Variants in IRGM observed in about 807,000 individuals in gnomAD.
IRGM encodes immunity related GTPase M, also known as immunity-related GTPase family M protein.
For missense variants in IRGM, 288 were observed against 219.9 expected, an observed-to-expected ratio of 1.31 and a Z score of -1.96; for synonymous variants, 98 against 80.6, an observed-to-expected ratio of 1.22 and a Z score of -1.16.
At chr5:150,859,321 C>T (rs1371890109) in intron 1 of IRGM, among the ~76,000 whole-genome samples, 20 of 152,226 alleles carry the variant, frequency 1.3e-4, no homozygotes, top group East Asian at 3.9e-4. Flanking sequence ...CTGCTGGATT[C>T]GGTGTGCCAG....
chr5:150,861,958 C>T (rs1412792343), intron 1 of IRGM, among the ~76,000 whole-genome samples: 1 of 152,150 alleles, frequency 6.6e-6, no homozygotes, highest in Non-Finnish European at 1.5e-5. Context: ...TGTTTATTAT[C>T]TTACAGATTA....
At chr5:150,861,663 T>C (rs953845228) in intron 1 of IRGM, among the ~76,000 whole-genome samples, 4 of 152,192 alleles carry the variant, frequency 2.6e-5, no homozygotes, top group African/African-American at 4.8e-5. Flanking sequence ...CTAGATTAAG[T>C]AATAGTCCAT....
chr5:150,883,922 A>T (rs1179583080), intron 3 of IRGM, among the ~76,000 whole-genome samples: 2 of 152,078 alleles, frequency 1.3e-5, no homozygotes, highest in Admixed American at 1.3e-4. Context: ...AAATCCAGAT[A>T]AAGACACTAC....
rs1190596820 is a variant in IRGM at position 150,847,962 on chromosome 5, C to G, written c.-162C>G. On this transcript the variant is annotated 5_prime_UTR_variant, in exon 2 of 2. Coordinates refer to ENST00000522154, the MANE Select transcript of IRGM (RefSeq NM_001145805.2). ...GGGACTACAGGCGCACACCACCACG[C>G]GCAGCTAATTTTTTTGTATTTTAGT... 1 of 606,884 alleles carries G rather than the reference C, an allele frequency of 1.6e-6. No homozygotes were observed. Among genetic ancestry groups the G allele is most frequent in the Non-Finnish European group, 2.9e-6 (1 of 347,828 alleles). 37.6% of individuals were successfully genotyped at this position (606,884 alleles called of 1,614,324 possible).
chr5:150,864,052 T>C (rs1754172600), intron 1 of IRGM, among the ~76,000 whole-genome samples: 1 of 152,192 alleles, frequency 6.6e-6, no homozygotes. Flanking sequence ...CTGTACTTCC[T>C]GCACAAATAC....
intron 1 of IRGM, among the ~76,000 whole-genome samples, chr5:150,869,560 A>G (rs898103757): frequency 1.3e-5 from 2 of 152,124 alleles, no homozygotes; most frequent in Admixed American, 6.5e-5. Flanking sequence ...ACTGGCACCA[A>G]TTCTTCTTTG....
rs1049627230 is a variant in IRGM, at chr5:150,898,880, G to A, written c.*141-1709G>A. On this transcript the variant is annotated intron_variant and NMD_transcript_variant, in intron 3 of 3. Coordinates refer to the IRGM transcript ENST00000520549. The stretch of plus-strand genomic sequence containing the variant: ...ATGCTGAAGAAATATTATGGGTTGA[G>A]TTGTATCTCCTGAATATTTATATGT... Among the ~76,000 whole-genome samples the A allele has an allele frequency of 2.0e-5, 3 of 152,084 alleles. No individual in the cohort carries two copies. The East Asian group carries it at 5.8e-4, about 30-fold the overall frequency.
In IRGM at chr5:150,847,809, T is replaced by TTTGTTTGTTTG; in HGVS notation, c.-313_-312insGTTTGTTTGTT. ...TTTTTGCCACACCATAAGCATTGGG[T>TTTGTTTGTTTG]TTTGTTTGTTTTGAGATGGAGTCTT... On this transcript the variant is annotated 5_prime_UTR_variant, in exon 2 of 2. An upstream open reading frame in the 5' UTR gains an earlier in-frame stop. Transcript: ENST00000522154. The TTTGTTTGTTTG allele has an allele frequency of 3.6e-6, 1 of 276,726 alleles. No individual in the cohort carries two copies. The highest frequency in any genetic ancestry group is 6.8e-6 in the Non-Finnish European group (1 of 146,276). 17.1% of individuals were successfully genotyped at this position (276,726 alleles called of 1,614,324 possible).
intron 1 of IRGM, among the ~76,000 whole-genome samples, chr5:150,854,908 C>T (rs1222063495): frequency 6.6e-6 from 1 of 152,082 alleles, no homozygotes; most frequent in Non-Finnish European, 1.5e-5. Flanking sequence ...TTCTCAAAGT[C>T]CCATAATGTT....
intron 3 of IRGM, among the ~76,000 whole-genome samples, chr5:150,890,076 G>T (rs2113298775): frequency 6.6e-6 from 1 of 152,130 alleles, no homozygotes; most frequent in South Asian, 2.1e-4. Context: ...GGAAAAGCTT[G>T]TATAGAATTT....
At chr5:150,881,683 AT>A (rs1222187421) in intron 3 of IRGM, among the ~76,000 whole-genome samples, 2 of 152,172 alleles carry the variant, frequency 1.3e-5, no homozygotes, top group Non-Finnish European at 1.5e-5. Context: ...CACTGCAATA[AT>A]TTAAGGACTA....
chr5:150,858,547 C>G (rs953143346), intron 1 of IRGM, among the ~76,000 whole-genome samples: 2 of 151,876 alleles, frequency 1.3e-5, no homozygotes, highest in Admixed American at 6.5e-5. Flanking sequence ...ATTGATTCTT[C>G]CTACCCATAA....
Position 150,848,593 on chromosome 5 carries a change from T to A in IRGM, c.470T>A (p.Leu157His). 1 of 1,551,428 alleles carries A rather than the reference T, an allele frequency of 6.4e-7. No individual in the cohort carries two copies. The highest frequency in any genetic ancestry group is 8.7e-7 in the Non-Finnish European group (1 of 1,146,664). ...GACATGGACCTCAGCACAGGTGCCCTCCCAGAAGTGCAGCTACTGCAGATC... is the reference window on the plus strand; with the variant it reads ...GACATGGACCTCAGCACAGGTGCCCACCCAGAAGTGCAGCTACTGCAGATC... ...KLDMDLSTGA[L>H]PEVQLLQIRE... The change falls in exon 2 of 2, where the codon CTC becomes CAC. Residue 157 changes from leucine to histidine, a missense_variant. Transcript: ENST00000522154.
rs1581641767 is a variant in IRGM at position 150,858,160 on chromosome 5, CA to C, written c.158+9507del. On this transcript the variant is annotated intron_variant and NMD_transcript_variant, in intron 1 of 3. Coordinates refer to the IRGM transcript ENST00000520549. ...TCTACATATGGCTAGCCAGTTTTCCCAGCACCATTTATTAAATAGGGAATCC... is the reference window on the plus strand; with the variant it reads ...TCTACATATGGCTAGCCAGTTTTCCCGCACCATTTATTAAATAGGGAATCC... Among the ~76,000 whole-genome samples the C allele has an allele frequency of 2.6e-5, 4 of 151,770 alleles. No individual in the cohort carries two copies. The South Asian group carries it at 8.3e-4, about 32-fold the overall frequency.
chr5:150,871,494 C>A (rs924233414), intron 1 of IRGM, among the ~76,000 whole-genome samples: 2 of 152,176 alleles, frequency 1.3e-5, no homozygotes, highest in Admixed American at 1.3e-4. Flanking sequence ...CTTCTGCTGT[C>A]TCTCCTTTCT....
At chr5:150,860,614 C>A (rs1256758214) in intron 1 of IRGM, among the ~76,000 whole-genome samples, 1 of 152,182 alleles carries the variant, frequency 6.6e-6, no homozygotes, top group African/African-American at 2.4e-5. Flanking sequence ...TATGCAGGCA[C>A]CACAGGAACA....
exon 2 of IRGM, chr5:150,878,065 G>A (rs1428553): frequency 0.16 from 74,108 of 461,702 alleles, 9,584 homozygotes; most frequent in African/African-American, 0.45. Context: ...GCAAGACAAA[G>A]AAATACAGAT....
intron 3 of IRGM, among the ~76,000 whole-genome samples, chr5:150,893,515 T>C (rs949718731): frequency 1.3e-5 from 2 of 152,180 alleles, no homozygotes; most frequent in African/African-American, 4.8e-5. Context: ...TGTAATTTTG[T>C]TGAGGAGTGA....
chr5:150,871,904 G>A (rs1363854846), intron 1 of IRGM, among the ~76,000 whole-genome samples: 1 of 152,216 alleles, frequency 6.6e-6, no homozygotes, highest in Admixed American at 6.5e-5. Context: ...CCAGTTAAAA[G>A]ATAGGTAGTC....
Sources: allele counts gnomAD v4.1 joint callset (sites outside exome capture counted in the v4.1 genomes callset), GRCh38; gene constraint gnomAD v4.1.1; transcripts MANE v1.5; gene names NCBI Gene and HGNC (gene_info 2026-07-23, HGNC 2026-07-21).